IGF1R: variants seen among roughly 807,000 people sequenced by gnomAD.
The protein encoded by IGF1R is insulin-like growth factor 1 receptor.
IGF1R carries 44 observed loss-of-function variants against 144.6 expected under a neutral mutation model. The observed-to-expected ratio is 0.30, with a 90% CI of 0.24 to 0.39. The LOEUF (loss-of-function observed/expected upper bound fraction) is 0.39, where lower values mean the gene tolerates loss of function less well. Ranked by LOEUF, IGF1R falls within the 10% of genes least tolerant of loss-of-function variation. The pLI is 1.00. For missense variants in IGF1R, 1,355 were observed against 1,833.7 expected, an observed-to-expected ratio of 0.74 and a Z score of 4.77; for synonymous variants, 795 against 722.8, an observed-to-expected ratio of 1.10 and a Z score of -1.60.
At chr15:98,861,852 C>G (rs1174399829) in intron 2 of IGF1R, among the ~76,000 whole-genome samples, 1 of 152,230 alleles carries the variant, frequency 6.6e-6, no homozygotes, top group Non-Finnish European at 1.5e-5. Flanking sequence ...GGATTTTGTA[C>G]ATTCCTTGAC....
chr15:98,705,803 T>C (rs923523033), intron 1 of IGF1R, among the ~76,000 whole-genome samples: 3 of 152,222 alleles, frequency 2.0e-5, no homozygotes, highest in Non-Finnish European at 2.9e-5. Context: ...TCTCTCCCGC[T>C]CAGGAGCCTT....
chr15:98,706,003 A>G (rs554906469), intron 1 of IGF1R, among the ~76,000 whole-genome samples: 2 of 152,330 alleles, frequency 1.3e-5, no homozygotes, highest in South Asian at 4.1e-4. Flanking sequence ...TTTAAATCCT[A>G]GGCACCCTTT....
intron 17 of IGF1R, among the ~76,000 whole-genome samples, chr15:98,937,228 C>A (rs2016189363): frequency 6.6e-6 from 1 of 152,158 alleles, no homozygotes; most frequent in Admixed American, 6.5e-5. Context: ...AGGAGAAAAG[C>A]TTGATGAAAT....
rs1238657650 is a variant in IGF1R at position 98,841,513 on chromosome 15, G to A, written c.641-49812G>A. On this transcript the variant is annotated intron_variant, in intron 2 of 20. Coordinates refer to ENST00000650285, the MANE Select transcript of IGF1R (RefSeq NM_000875.5). The stretch of plus-strand genomic sequence containing the variant: ...TTCCAGCAGCCTGTTTCTGTTTGGG[G>A]TCACATGTGGTCTCTGTCCACCTGG... Among the ~76,000 whole-genome samples the A allele has an allele frequency of 2.0e-5, 3 of 152,276 alleles. No individual in the cohort carries two copies. The East Asian group carries it at 5.8e-4, about 29-fold the overall frequency.
At chr15:98,760,495 G>T (rs2175796) in intron 2 of IGF1R, among the ~76,000 whole-genome samples, 10 of 152,124 alleles carry the variant, frequency 6.6e-5, no homozygotes, top group Non-Finnish European at 1.3e-4. Flanking sequence ...TTTTTATAAC[G>T]ATAGCTGTAA....
At position 98,657,556 on chromosome 15, in the gene IGF1R, A is replaced by G. The variant is rs1287656249; in HGVS notation, c.94+7881A>G. ...GCACAGATTGCCACGAAAACAAATG[A>G]ACACAGAGACCAGTAGCAGCAGAGG... On this transcript the variant is annotated intron_variant, in intron 1 of 20. Coordinates refer to ENST00000650285, the MANE Select transcript of IGF1R (RefSeq NM_000875.5). 2.0e-5 allele frequency among the ~76,000 whole-genome samples: 3 copies of G among 152,236 alleles called. 1 individual carries two copies. The highest frequency in any genetic ancestry group is 2.9e-5 in the Non-Finnish European group (2 of 68,046).
chr15:98,658,231 T>C (rs1481146496), intron 1 of IGF1R, among the ~76,000 whole-genome samples: 1 of 152,200 alleles, frequency 6.6e-6, no homozygotes, highest in African/African-American at 2.4e-5. Flanking sequence ...TGAGAATGTT[T>C]TTCCTCTTCA....
intron 2 of IGF1R, among the ~76,000 whole-genome samples, chr15:98,832,503 C>T (rs1431582350): frequency 2.6e-5 from 4 of 152,190 alleles, no homozygotes; most frequent in Non-Finnish European, 5.9e-5. Context: ...TGAACCACTG[C>T]CCGGGTATTG....
chr15:98,773,560 G>A (rs149627239), intron 2 of IGF1R, among the ~76,000 whole-genome samples: 15 of 152,172 alleles, frequency 9.9e-5, no homozygotes, highest in East Asian at 1.9e-4. Context: ...TGCTCACAGC[G>A]CCCAGATTTT....
intron 1 of IGF1R, among the ~76,000 whole-genome samples, chr15:98,670,837 A>G (rs2052870453): frequency 6.6e-6 from 1 of 152,162 alleles, no homozygotes; most frequent in Non-Finnish European, 1.5e-5. Context: ...CCCAATCAAC[A>G]TACATTTTTA....
intron 2 of IGF1R, among the ~76,000 whole-genome samples, chr15:98,716,567 G>C (rs1260711432): frequency 6.6e-6 from 1 of 152,206 alleles, no homozygotes; most frequent in African/African-American, 2.4e-5. Context: ...GTTACAATGA[G>C]AGCTGGAGTT....
intron 2 of IGF1R, among the ~76,000 whole-genome samples, chr15:98,766,754 A>G (rs28505123): frequency 0.053 from 8,009 of 152,290 alleles, 710 homozygotes; most frequent in African/African-American, 0.18. Context: ...TCTTGGAGAC[A>G]GCAGAAACAG....
chr15:98,756,437 C>G (rs1326748199), intron 2 of IGF1R, among the ~76,000 whole-genome samples: 1 of 152,004 alleles, frequency 6.6e-6, no homozygotes, highest in Non-Finnish European at 1.5e-5. Flanking sequence ...AAGAATTTAT[C>G]TACAATTTGA....
chr15:98,674,736 A>G (rs2052988631), intron 1 of IGF1R, among the ~76,000 whole-genome samples: 1 of 152,172 alleles, frequency 6.6e-6, no homozygotes, highest in Non-Finnish European at 1.5e-5. Context: ...AAGGAAAATA[A>G]AAATTATCCT....
chr15:98,723,076 G>A (rs2054279630), intron 2 of IGF1R, among the ~76,000 whole-genome samples: 1 of 152,072 alleles, frequency 6.6e-6, no homozygotes, highest in South Asian at 2.1e-4. Context: ...CGTGGCCACC[G>A]AGAGAGAGTT....
chr15:98,946,786 G>T (rs891123371), intron 19 of IGF1R, among the ~76,000 whole-genome samples: 1 of 152,174 alleles, frequency 6.6e-6, no homozygotes, highest in Non-Finnish European at 1.5e-5. Context: ...GAGCCGTGCC[G>T]TGAGAACTGG....
chr15:98,711,840 A>C (rs2054001182), intron 2 of IGF1R, among the ~76,000 whole-genome samples: 1 of 152,132 alleles, frequency 6.6e-6, no homozygotes, highest in Non-Finnish European at 1.5e-5. Flanking sequence ...TACTGCTCAC[A>C]GTTCTGGAGG....
chr15:98,873,742 C>G (rs1489674571), intron 2 of IGF1R: 2 of 152,182 alleles, frequency 1.3e-5, no homozygotes, highest in African/African-American at 4.8e-5. Flanking sequence ...TTTCTGTGGT[C>G]ACACCAACAG....
intron 5 of IGF1R, among the ~76,000 whole-genome samples, chr15:98,904,413 CCT>C (rs1243834517): frequency 6.6e-6 from 1 of 152,088 alleles, no homozygotes; most frequent in Non-Finnish European, 1.5e-5. Flanking sequence ...TTAAGAAACA[CCT>C]AAACAAAGAG....
Sources: gnomAD v4.1 joint callset for allele counts (sites outside exome capture counted in the v4.1 genomes callset) on GRCh38, gnomAD v4.1.1 for gene constraint, MANE v1.5 for transcripts, NCBI Gene and HGNC (gene_info 2026-07-23, HGNC 2026-07-21) for gene names.